PCDHGA4: variants seen among roughly 807,000 people sequenced by gnomAD.
The protein encoded by PCDHGA4 is protocadherin gamma-A4.
PCDHGA4 carries 38 observed loss-of-function variants against 54.6 expected under a neutral mutation model. That is an observed-to-expected ratio of 0.70 (90% CI 0.54 to 0.91). PCDHGA4 has a LOEUF of 0.91. Among genes scored for constraint, PCDHGA4 ranks in the 40% least tolerant of loss-of-function variants. The pLI, the probability that PCDHGA4 is intolerant of heterozygous loss-of-function variation, is 0.00. For missense variants in PCDHGA4, 1,298 were observed against 1,220.9 expected (o/e 1.06, Z -0.94); for synonymous variants, 511 against 512.9 (o/e 1.00, Z 0.05).
chr5:141,469,756 A>G (rs2099210350), intron 1 of PCDHGA4, among the ~76,000 whole-genome samples: 1 of 152,252 alleles, frequency 6.6e-6, no homozygotes. Context: ...ACAAAAATAC[A>G]TATATACCAG....
rs1452714844 is a variant in PCDHGA4, at chr5:141,389,265, G to A, written c.2514+31644G>A. ...GTCTTCCTATATAGTCCACGTGGCC[G>A]AGAACAACCCGCCTGGAGCCTCTAT... On this transcript the variant is annotated intron_variant, in intron 1 of 3. Transcript: ENST00000571252. 3.7e-6 allele frequency: 6 copies of A among 1,613,886 alleles called. No homozygotes were observed. The highest frequency in any genetic ancestry group is 4.5e-5 in the East Asian group (2 of 44,886).
rs1317150359 is a variant in PCDHGA4 at position 141,420,381 on chromosome 5, G to A, written c.2514+62760G>A. On this transcript the variant is annotated intron_variant, in intron 1 of 3. Transcript: ENST00000571252. ...TCTAGATAACTTCTTCATAGAGTTC[G>A]CAAAATATAGGTCAAATTTATGGTT... The A allele has an allele frequency of 1.1e-5, 14 of 1,298,362 alleles. No homozygotes were observed. In the Admixed American group the frequency reaches 1.3e-4, roughly 13 times the overall value. The allele number at this position is 1,298,362 out of a possible 1,614,324, so 80.4% of individuals were successfully genotyped here.
At chr5:141,410,142 G>C in intron 1 of PCDHGA4, 1 of 1,612,730 alleles carries the variant, frequency 6.2e-7, no homozygotes, top group African/African-American at 1.3e-5. Context: ...GTCGCTGTGC[G>C]TGACGGTGGA....
intron 1 of PCDHGA4, among the ~76,000 whole-genome samples, chr5:141,453,225 C>T (rs2098758997): frequency 6.6e-6 from 1 of 152,044 alleles, no homozygotes; most frequent in African/African-American, 2.4e-5. Context: ...GCGATCCTCC[C>T]ACCTCAGCCT....
At chr5:141,474,964 CATT>C (rs1489874965) in intron 1 of PCDHGA4, among the ~76,000 whole-genome samples, 1 of 152,216 alleles carries the variant, frequency 6.6e-6, no homozygotes, top group Non-Finnish European at 1.5e-5. Context: ...CTATCCTAAT[CATT>C]ATAATTTTGT....
chr5:141,456,087 C>T (rs1218579202), intron 1 of PCDHGA4, among the ~76,000 whole-genome samples: 1 of 151,886 alleles, frequency 6.6e-6, no homozygotes, highest in Non-Finnish European at 1.5e-5. Context: ...TCAGTAGAGA[C>T]GGGATTTCAC....
Position 141,476,540 on chromosome 5 carries a change from T to C in PCDHGA4, c.2515-18267T>C, listed in dbSNP as rs148362631. On this transcript the variant is annotated intron_variant, in intron 1 of 3. Coordinates refer to ENST00000571252, the MANE Select transcript of PCDHGA4 (RefSeq NM_018917.4). The surrounding 1 kb of genome is among the most constrained non-coding windows in gnomAD (Gnocchi z 7.6). Reference sequence around the variant, plus strand: ...TGCTTTCCCTACCCAGGAAATGAAATTGGAGATTAGCGAGGCCGTGGCTCC... The same window carrying C: ...TGCTTTCCCTACCCAGGAAATGAAACTGGAGATTAGCGAGGCCGTGGCTCC... 9.4e-5 allele frequency: 151 copies of C among 1,614,122 alleles called. 1 individual carries two copies. In the African/African-American group the frequency reaches 1.3e-3, roughly 14 times the overall value.
rs148589854 is a variant in PCDHGA4, at chr5:141,393,112, C to T, written c.2514+35491C>T. ...CGGGAGGAGCTCTGCGCTCAGAGCC[C>T]GCGGTGTCTGATAAATATTAACACC... On this transcript the variant is annotated intron_variant, in intron 1 of 3. Transcript: ENST00000571252. 5.0e-3 allele frequency: 7,989 copies of T among 1,613,452 alleles called. 48 individuals carry two copies. The highest frequency in any genetic ancestry group is 9.4e-3 in the Admixed American group (566 of 60,028).
chr5:141,389,491 G>C, intron 1 of PCDHGA4: 1 of 1,612,994 alleles, frequency 6.2e-7, no homozygotes, highest in Non-Finnish European at 8.5e-7. Context: ...CGCGACCAGG[G>C]CTCGCCAGCG....
At chr5:141,423,750 T>TGGGG (rs144521096) in intron 1 of PCDHGA4, 28 of 288,222 alleles carry the variant, frequency 9.7e-5, no homozygotes, top group Non-Finnish European at 1.2e-4. Flanking sequence ...GAAAACTGTT[T>TGGGG]GGGGGGGGGG....
chr5:141,393,472 C>T lies in PCDHGA4; in HGVS notation c.2514+35851C>T, dbSNP rs575533120. On this transcript the variant is annotated intron_variant, in intron 1 of 3. Coordinates refer to ENST00000571252, the MANE Select transcript of PCDHGA4 (RefSeq NM_018917.4). ...CTCACGGCCTCGGATGGCGGCAAGC[C>T]GCCTCGCTCTAGCACAGTGCGCATC... 3.5e-5 allele frequency: 57 copies of T among 1,614,022 alleles called. 2 individuals carry two copies. The South Asian group carries it at 4.2e-4, about 12-fold the overall frequency.
chr5:141,372,183 G>C lies in PCDHGA4; in HGVS notation c.2514+14562G>C, dbSNP rs770498510. 5 of 1,613,672 alleles carry C rather than the reference G, an allele frequency of 3.1e-6. No individual in the cohort carries two copies. The Admixed American group carries it at 8.3e-5, about 27-fold the overall frequency. On this transcript the variant is annotated intron_variant, in intron 1 of 3. Coordinates refer to ENST00000571252, the MANE Select transcript of PCDHGA4 (RefSeq NM_018917.4). ...GACCAAGGTGGTGGCGGTGGACGCA[G>C]ACTCGGGATACAACGCCTGGCTGTC...
chr5:141,456,703 G>A (rs528071544), intron 1 of PCDHGA4, among the ~76,000 whole-genome samples: 37 of 152,180 alleles, frequency 2.4e-4, no homozygotes, highest in Non-Finnish European at 4.9e-4. Context: ...GGTGGCTCGC[G>A]CCTGTAATCC....
intron 1 of PCDHGA4, among the ~76,000 whole-genome samples, chr5:141,464,139 C>T (rs1200161549): frequency 6.6e-6 from 1 of 151,928 alleles, no homozygotes; most frequent in Admixed American, 6.6e-5. Flanking sequence ...GTGGTGGGCG[C>T]CTGTAGTCCC....
chr5:141,418,730 G>GT, intron 1 of PCDHGA4: 1 of 1,613,952 alleles, frequency 6.2e-7, no homozygotes, highest in Non-Finnish European at 8.5e-7. Context: ...AGCTCAGCAC[G>GT]TGTTCTCTCT....
At chr5:141,430,392 A>G (rs2097281137) in intron 1 of PCDHGA4, among the ~76,000 whole-genome samples, 1 of 152,136 alleles carries the variant, frequency 6.6e-6, no homozygotes, top group Non-Finnish European at 1.5e-5. Context: ...GGAAAAAAAA[A>G]AAAAGCTCAC....
chr5:141,464,260 G>A (rs546781463), intron 1 of PCDHGA4, among the ~76,000 whole-genome samples: 1 of 131,668 alleles, frequency 7.6e-6, no homozygotes, highest in Non-Finnish European at 1.6e-5. Flanking sequence ...GCGAGACTCC[G>A]TCTAAAAAAA....
In PCDHGA4 at chr5:141,365,130, C is replaced by T. The variant is rs766093939; in HGVS notation, c.2514+7509C>T. 5 of 1,613,878 alleles carry T rather than the reference C, an allele frequency of 3.1e-6. No individual in the cohort carries two copies. In the South Asian group the frequency reaches 3.3e-5, roughly 11 times the overall value. On this transcript the variant is annotated intron_variant, in intron 1 of 3. Coordinates refer to ENST00000571252, the MANE Select transcript of PCDHGA4 (RefSeq NM_018917.4). ...ACTCGGCTGCTCATGCTAACCGCCA[C>T]GGATCCAGATGAGGGAATAAACGGG...
Position 141,489,381 on chromosome 5 carries a change from T to C in PCDHGA4, c.2515-5426T>C. 3 of 1,613,894 alleles carry C rather than the reference T, an allele frequency of 1.9e-6. No individual in the cohort carries two copies. The highest frequency in any genetic ancestry group is 2.5e-6 in the Non-Finnish European group (3 of 1,179,802). On this transcript the variant is annotated intron_variant, in intron 1 of 3. Coordinates refer to ENST00000571252, the MANE Select transcript of PCDHGA4 (RefSeq NM_018917.4). The surrounding 1 kb of genome is among the most constrained non-coding windows in gnomAD (Gnocchi z 4.5). ...CTGAGCCGGGGACGCTGGTGGGGAA[T>C]GTTGCTCAGGATCTGGGCTTAAAGA...
Sources: gnomAD v4.1 joint callset for allele counts (sites outside exome capture counted in the v4.1 genomes callset) on GRCh38, gnomAD v4.1.1 for gene constraint, Gnocchi (gnomAD v3.1) non-coding constraint, MANE v1.5 for transcripts, NCBI Gene and HGNC (gene_info 2026-07-23, HGNC 2026-07-21) for gene names.